The following FPR3 variants were observed in gnomAD, a reference collection of about 807,000 sequenced individuals.
The protein encoded by FPR3 is formyl peptide receptor 3.
For synonymous variants in FPR3, 135 were observed against 163.6 expected, an observed-to-expected ratio of 0.83 and a Z score of 1.34; for missense variants, 346 against 443.2, an observed-to-expected ratio of 0.78 and a Z score of 1.97.
At position 51,825,395 on chromosome 19, in the gene FPR3, T is replaced by C. The variant is rs934225625; in HGVS notation, c.*585T>C. On this transcript the variant is annotated 3_prime_UTR_variant, in exon 2 of 2. Coordinates refer to ENST00000339223, the MANE Select transcript of FPR3 (RefSeq NM_002030.5). The stretch of plus-strand genomic sequence containing the variant: ...CTCTTGGGTTTTTATGGAAGCTTCA[T>C]GATGTCAGCATTCTTTCCTCCAGTG... 4 of 167,242 alleles carry C rather than the reference T, an allele frequency of 2.4e-5. No homozygotes were observed. Among genetic ancestry groups the C allele is most frequent in the East Asian group, 1.9e-4 (1 of 5,184 alleles). The allele number at this position is 167,242 out of a possible 1,614,324, so 10.4% of individuals were successfully genotyped here. A position where few individuals can be genotyped will look rare whatever the true frequency, so the allele number is the denominator to read the frequency against.
intron 1 of FPR3, among the ~76,000 whole-genome samples, 170 bp downstream of exon 1, chr19:51,795,501 A>ATTTTTT (rs1361472024): frequency 0.014 from 1,054 of 76,914 alleles, 82 homozygotes; most frequent in Non-Finnish European, 0.015. Flanking sequence ...TTCCAGTAAC[A>ATTTTTT]TTCTTTTTTT....
At chr19:51,797,585 T>C (rs2084007283) in intron 1 of FPR3, among the ~76,000 whole-genome samples, 1 of 152,214 alleles carries the variant, frequency 6.6e-6, no homozygotes, top group Admixed American at 6.5e-5. Flanking sequence ...CTAACATTAA[T>C]CAATATTCAC....
chr19:51,818,395 A>C (rs1313765704), intron 1 of FPR3, among the ~76,000 whole-genome samples: 2 of 152,150 alleles, frequency 1.3e-5, no homozygotes, highest in African/African-American at 2.4e-5. Flanking sequence ...TACAGACCAC[A>C]TTGTGTTTCC....
chr19:51,795,519 T>C (rs1206698156), intron 1 of FPR3, among the ~76,000 whole-genome samples, 188 bp downstream of exon 1: 5 of 121,666 alleles, frequency 4.1e-5, no homozygotes, highest in African/African-American at 1.6e-4. Flanking sequence ...TTTTTTTTTT[T>C]TTTTTTTTTT....
rs1568425575 is a variant in FPR3, at chr19:51,795,504, C to CCTTTTTTTTTTTTTT, written c.-11+173_-11+174insCTTTTTTTTTTTTTT. Among the ~76,000 whole-genome samples, 13 of 74,732 alleles carry CCTTTTTTTTTTTTTT rather than the reference C, an allele frequency of 1.7e-4. 3 individuals are homozygous for CCTTTTTTTTTTTTTT. The highest frequency in any genetic ancestry group is 7.0e-5 in the Non-Finnish European group (3 of 43,152). The allele number at this position is 74,732 out of a possible 152,430, so 49.0% of individuals were successfully genotyped here. On this transcript the variant is annotated intron_variant, in intron 1 of 1. Coordinates refer to ENST00000339223, the MANE Select transcript of FPR3 (RefSeq NM_002030.5). Reference sequence around the variant, plus strand: ...TTTGGTTACATGTTCCAGTAACATTCTTTTTTTTTTTTTTTTTTTTTTTTT... The same window carrying CCTTTTTTTTTTTTTT: ...TTTGGTTACATGTTCCAGTAACATTCCTTTTTTTTTTTTTTTTTTTTTTTTTTTTTTTTTTTTTTT...
chr19:51,797,489 A>G (rs1218797350), intron 1 of FPR3, among the ~76,000 whole-genome samples: 1 of 152,142 alleles, frequency 6.6e-6, no homozygotes, highest in Non-Finnish European at 1.5e-5. Context: ...TTTTTGGTAT[A>G]AAAAATGATC....
intron 1 of FPR3, among the ~76,000 whole-genome samples, chr19:51,820,654 T>TA (rs2084181606): frequency 6.6e-6 from 1 of 152,208 alleles, no homozygotes; most frequent in East Asian, 1.9e-4. Context: ...TGGAGAGTGG[T>TA]AGAGAAAATC....
rs143644530 is a variant in FPR3, at chr19:51,824,189, G to A, written c.441G>A (p.Thr147=). 82 of 1,614,084 alleles carry A rather than the reference G, an allele frequency of 5.1e-5. No individual in the cohort carries two copies. The highest frequency in any genetic ancestry group is 3.0e-4 in the South Asian group (27 of 91,072). Residue 147 remains threonine, a synonymous_variant, in exon 2 of 2, where the codon ACG becomes ACA. Transcript: ENST00000339223. The surrounding 1 kb of genome is among the most constrained non-coding windows in gnomAD (Gnocchi z 4.7). ...TGAGTCTGGCCAAGAGGGTGATGACGGGACTCTGGATTTTCACCATAGTCC... is the reference window on the plus strand; with the variant it reads ...TGAGTCTGGCCAAGAGGGTGATGACAGGACTCTGGATTTTCACCATAGTCC... The part of the protein sequence containing the change: ...RTMSLAKRVM[T]GLWIFTIVLT...
chr19:51,814,085 C>A (rs1164909559), intron 1 of FPR3, among the ~76,000 whole-genome samples: 2 of 152,132 alleles, frequency 1.3e-5, no homozygotes, highest in African/African-American at 4.8e-5. Flanking sequence ...TAGTAAATTC[C>A]TTCTTGGTTT....
At chr19:51,820,074 C>T (rs746100123) in intron 1 of FPR3, among the ~76,000 whole-genome samples, 64 of 152,276 alleles carry the variant, frequency 4.2e-4, no homozygotes, top group Non-Finnish European at 7.2e-4. Context: ...CTAATTGTTA[C>T]AGTTTTCTCA....
intron 1 of FPR3, among the ~76,000 whole-genome samples, chr19:51,812,926 G>C (rs770352119): frequency 7.9e-5 from 12 of 152,106 alleles, no homozygotes; most frequent in Non-Finnish European, 1.8e-4. Context: ...TTTGAGACCA[G>C]CCTGGCCAAC....
At chr19:51,817,520 T>TG (rs1020705369) in intron 1 of FPR3, among the ~76,000 whole-genome samples, 9 of 149,384 alleles carry the variant, frequency 6.0e-5, no homozygotes, top group Admixed American at 4.8e-4. Context: ...TGTTTTGTTT[T>TG]TTTTTTTAAA....
chr19:51,821,076 G>A (rs1477405088), intron 1 of FPR3, among the ~76,000 whole-genome samples: 1 of 152,216 alleles, frequency 6.6e-6, no homozygotes, highest in Non-Finnish European at 1.5e-5. Context: ...ACAGCCTGGT[G>A]AGGACCAGAA....
intron 1 of FPR3, among the ~76,000 whole-genome samples, chr19:51,807,688 A>T (rs879582250): frequency 1.3e-5 from 2 of 152,248 alleles, no homozygotes; most frequent in African/African-American, 2.4e-5. Context: ...AGGAAGAATG[A>T]AAGAATGGAT....
Position 51,824,970 on chromosome 19 carries a change from A to C in FPR3, c.*160A>C. On this transcript the variant is annotated 3_prime_UTR_variant, in exon 2 of 2. Transcript: ENST00000339223. The surrounding 1 kb of genome is among the most constrained non-coding windows in gnomAD (Gnocchi z 4.7). ...CTGTAGGGGGTTTTTCCCACAACCAAGCAATAGACACCAGCTGGGTGTCCT... is the reference window on the plus strand; with the variant it reads ...CTGTAGGGGGTTTTTCCCACAACCACGCAATAGACACCAGCTGGGTGTCCT... 1 of 623,260 alleles carries C rather than the reference A, an allele frequency of 1.6e-6. No individual in the cohort carries two copies. Among genetic ancestry groups the C allele is most frequent in the Non-Finnish European group, 2.9e-6 (1 of 349,038 alleles). The allele number at this position is 623,260 out of a possible 1,614,324, so 38.6% of individuals were successfully genotyped here.
At chr19:51,807,986 G>A (rs769594089) in intron 1 of FPR3, among the ~76,000 whole-genome samples, 3 of 152,216 alleles carry the variant, frequency 2.0e-5, no homozygotes, top group Admixed American at 6.5e-5. Context: ...CTATAAACTG[G>A]CCCAAAAGTC....
At chr19:51,823,693 A>T (rs991733070) in intron 1 of FPR3, 46 bp from the exon 2 acceptor site, 27 of 1,397,696 alleles carry the variant, frequency 1.9e-5, no homozygotes, top group Non-Finnish European at 2.9e-6. Context: ...GTTGTATTGT[A>T]AGATGGTGTC....
Position 51,823,901 on chromosome 19 carries a change from T to C in FPR3, c.153T>C (p.Ala51=), listed in dbSNP as rs2084210029. 1.9e-6 allele frequency: 3 copies of C among 1,614,150 alleles called. No individual in the cohort carries two copies. Among genetic ancestry groups the C allele is most frequent in the Non-Finnish European group, 2.5e-6 (3 of 1,180,000 alleles). ...GCAATGGGCTTGTGATCTGGGTGGC[T>C]GGATTCCGGATGACACGCACAGTCA... ...VLGNGLVIWV[A]GFRMTRTVNT... The change falls in exon 2 of 2, where the codon GCT becomes GCC. Residue 51 remains alanine, a synonymous_variant. Coordinates refer to ENST00000339223, the MANE Select transcript of FPR3 (RefSeq NM_002030.5).
intron 1 of FPR3, 34 bp from the exon 2 acceptor site, chr19:51,823,705 C>T (rs752516033): frequency 2.0e-6 from 3 of 1,478,026 alleles, no homozygotes; most frequent in East Asian, 2.3e-5. Flanking sequence ...GATGGTGTCA[C>T]AGCTGAGAAA....
Sources: gnomAD v4.1 joint callset for allele counts (sites outside exome capture counted in the v4.1 genomes callset) on GRCh38, gnomAD v4.1.1 for gene constraint, Gnocchi (gnomAD v3.1) non-coding constraint, MANE v1.5 for transcripts, NCBI Gene and HGNC (gene_info 2026-07-23, HGNC 2026-07-21) for gene names.